The following RBFOX1 variants were observed in gnomAD, a reference collection of about 807,000 sequenced individuals.
The protein encoded by RBFOX1 is RNA binding fox-1 homolog 1, also known as RNA binding protein fox-1 homolog 1.
RBFOX1 carries 8 observed loss-of-function variants against 57.7 expected under a neutral mutation model. The observed-to-expected ratio is 0.14, with a 90% CI of 0.08 to 0.25. The LOEUF is 0.25. Ranked by LOEUF, RBFOX1 falls within the 10% of genes least tolerant of loss-of-function variation. The pLI, the probability that RBFOX1 is intolerant of heterozygous loss-of-function variation, is 1.00. For missense variants in RBFOX1, 611 were observed against 548.5 expected (o/e 1.11, Z -1.14); for synonymous variants, 326 against 222.4 (o/e 1.47, Z -4.15).
intron 4 of RBFOX1, among the ~76,000 whole-genome samples, chr16:7,259,081 A>G (rs2094813924): frequency 6.6e-6 from 1 of 152,204 alleles, no homozygotes; most frequent in African/African-American, 2.4e-5. Context: ...AAGCTACTTT[A>G]TGAAAAGTCC....
At chr16:5,239,957 A>G (rs1229299070) in exon 1 of RBFOX1, 1 of 1,526,126 alleles carries the variant, frequency 6.6e-7, no homozygotes, top group Admixed American at 2.0e-5. Flanking sequence ...CCCAGGAGGG[A>G]GGAGGACGAC....
intron 4 of RBFOX1, among the ~76,000 whole-genome samples, chr16:5,927,436 A>G (rs2058960874): frequency 6.6e-6 from 1 of 152,236 alleles, no homozygotes; most frequent in Admixed American, 6.5e-5. Context: ...TATTATCAAA[A>G]AGTCAAAAGG....
intron 3 of RBFOX1, among the ~76,000 whole-genome samples, chr16:6,839,321 A>G (rs918243920): frequency 3.9e-5 from 6 of 152,172 alleles, no homozygotes; most frequent in Admixed American, 2.0e-4. Flanking sequence ...TCTGAAAACG[A>G]TAACTCCTCA....
intron 1 of RBFOX1, among the ~76,000 whole-genome samples, chr16:5,261,641 C>A (rs1418727433): frequency 2.6e-5 from 4 of 151,684 alleles, no homozygotes; most frequent in African/African-American, 9.7e-5. Context: ...GCTCCGCCTC[C>A]CGGGTTCATG....
intron 4 of RBFOX1, among the ~76,000 whole-genome samples, chr16:7,448,927 G>GTTTTTTTT (rs71147700): frequency 0.011 from 912 of 82,898 alleles, 84 homozygotes; most frequent in African/African-American, 0.018. Flanking sequence ...TCTTTCCCCT[G>GTTTTTTTT]TTTTTTTTTT....
chr16:5,497,638 A>AAAAAAAAAAAAAAAAAAAAAT lies in RBFOX1; in HGVS notation c.258+30384_258+30385insAAAAAAAAAAAAAAAAAAAAT, dbSNP rs71142625. 4.0e-3 allele frequency among the ~76,000 whole-genome samples: 551 copies of AAAAAAAAAAAAAAAAAAAAAT among 139,214 alleles called. 13 individuals are homozygous for AAAAAAAAAAAAAAAAAAAAAT. The highest frequency in any genetic ancestry group is 6.7e-3 in the Non-Finnish European group (442 of 65,658). 91.3% of individuals were successfully genotyped at this position (139,214 alleles called of 152,430 possible). A position where few individuals can be genotyped will look rare whatever the true frequency, so the allele number is the denominator to read the frequency against. On this transcript the variant is annotated intron_variant, in intron 2 of 2. Transcript: ENST00000585867. ...CTAAAAATACAAAAAAAAAAAAAAA[A>AAAAAAAAAAAAAAAAAAAAAT]GCTGGGCATGGTGGCACACACTCCC...
intron 4 of RBFOX1, among the ~76,000 whole-genome samples, chr16:7,194,112 C>T (rs1351469787): frequency 6.6e-6 from 1 of 151,998 alleles, no homozygotes; most frequent in Non-Finnish European, 1.5e-5. Context: ...TTTCCATTAC[C>T]CTATTCGTGT....
chr16:6,527,867 C>T (rs1276714671), intron 2 of RBFOX1, among the ~76,000 whole-genome samples: 1 of 152,148 alleles, frequency 6.6e-6, no homozygotes, highest in African/African-American at 2.4e-5. Context: ...TCCTTATGCA[C>T]AATTCAAAAG....
At chr16:5,975,996 T>G (rs1400256670) in intron 4 of RBFOX1, among the ~76,000 whole-genome samples, 1 of 151,944 alleles carries the variant, frequency 6.6e-6, no homozygotes, top group Admixed American at 6.6e-5. Context: ...ATACAAAAAT[T>G]AGCCGGATGT....
chr16:5,293,423 T>C (rs561401851), intron 1 of RBFOX1, among the ~76,000 whole-genome samples: 10 of 152,280 alleles, frequency 6.6e-5, no homozygotes, highest in African/African-American at 2.4e-4. Context: ...GGCTGTCTTA[T>C]TTCATCTGCA....
intron 2 of RBFOX1, among the ~76,000 whole-genome samples, chr16:6,532,548 C>T (rs1332392765): frequency 6.6e-6 from 1 of 152,144 alleles, no homozygotes; most frequent in Non-Finnish European, 1.5e-5. Context: ...TTTAAATATT[C>T]ATCTCCCTCA....
chr16:6,187,762 C>T (rs1469237735), intron 1 of RBFOX1, among the ~76,000 whole-genome samples: 2 of 152,028 alleles, frequency 1.3e-5, no homozygotes, highest in Admixed American at 6.6e-5. Context: ...GAGTGGGAGA[C>T]GGAGGGGCAG....
At chr16:7,509,966 GT>G (rs5815406) in intron 4 of RBFOX1, among the ~76,000 whole-genome samples, 4,474 of 141,734 alleles carry the variant, frequency 0.032, 79 homozygotes, top group Non-Finnish European at 0.043. Context: ...CGAGCAGTGG[GT>G]TTTTTTTTTT....
At chr16:6,042,129 CT>C (rs1348600981) in intron 1 of RBFOX1, among the ~76,000 whole-genome samples, 2 of 147,568 alleles carry the variant, frequency 1.4e-5, no homozygotes, top group African/African-American at 5.0e-5. Context: ...GAGACAGAGT[CT>C]CCCACTGTCG....
chr16:7,023,265 T>A (rs1237506358), intron 3 of RBFOX1, among the ~76,000 whole-genome samples: 1 of 151,662 alleles, frequency 6.6e-6, no homozygotes, highest in Non-Finnish European at 1.5e-5. Context: ...TTGCCTGAGG[T>A]CAGGAGTCCA....
intron 3 of RBFOX1, among the ~76,000 whole-genome samples, chr16:6,903,359 A>C (rs939743127): frequency 2.0e-5 from 3 of 152,202 alleles, no homozygotes; most frequent in African/African-American, 7.2e-5. Context: ...AGCAAGAATG[A>C]TGGGAAACCA....
chr16:7,313,471 TTGTC>T (rs1428988629), intron 4 of RBFOX1, among the ~76,000 whole-genome samples: 10 of 65,176 alleles, frequency 1.5e-4, no homozygotes. Flanking sequence ...TTTTCTTTTC[TTGTC>T]TTTTTTTTTT....
At chr16:5,305,190 T>G (rs2063903553) in intron 1 of RBFOX1, among the ~76,000 whole-genome samples, 1 of 152,166 alleles carries the variant, frequency 6.6e-6, no homozygotes, top group Admixed American at 6.5e-5. Flanking sequence ...GAGTACCACA[T>G]GTTTCAGAAT....
At chr16:6,959,927 A>T (rs1027899439) in intron 3 of RBFOX1, among the ~76,000 whole-genome samples, 1 of 152,044 alleles carries the variant, frequency 6.6e-6, no homozygotes, top group Non-Finnish European at 1.5e-5. Context: ...CAAGAGCGAA[A>T]CTCCATCTCA....
Sources: allele counts gnomAD v4.1 joint callset (sites outside exome capture counted in the v4.1 genomes callset), GRCh38; gene constraint gnomAD v4.1.1; transcripts MANE v1.5; gene names NCBI Gene and HGNC (gene_info 2026-07-23, HGNC 2026-07-21).